TLL2: variants seen among roughly 807,000 people sequenced by gnomAD.
TLL2 encodes the protein tolloid-like protein 2.
TLL2 carries 106 observed loss-of-function variants against 123.0 expected under a neutral mutation model. The observed-to-expected ratio is 0.86, with a 90% CI of 0.74 to 1.01. TLL2 has a LOEUF of 1.01. Ranked by LOEUF, TLL2 falls within the 50% of genes least tolerant of loss-of-function variation. The probability of loss-of-function intolerance (pLI) is 0.00; values close to 1 mark genes in which losing one functional copy is unlikely to be tolerated. For missense variants in TLL2, 1,332 were observed against 1,336.7 expected, an observed-to-expected ratio of 1.00 and a Z score of 0.06; for synonymous variants, 494 against 516.8, an observed-to-expected ratio of 0.96 and a Z score of 0.60.
At chr10:96,384,000 A>G (rs1846208150) in intron 16 of TLL2, among the ~76,000 whole-genome samples, 1 of 152,172 alleles carries the variant, frequency 6.6e-6, no homozygotes, top group African/African-American at 2.4e-5. Context: ...ACAATGTGGA[A>G]CCTTAGAATG....
intron 5 of TLL2, among the ~76,000 whole-genome samples, chr10:96,426,270 G>A (rs1279462611): frequency 6.6e-6 from 1 of 152,036 alleles, no homozygotes; most frequent in African/African-American, 2.4e-5. Context: ...AATTCTATGT[G>A]CTAACATTTT....
At chr10:96,505,912 G>C (rs1847573387) in intron 1 of TLL2, among the ~76,000 whole-genome samples, 2 of 152,168 alleles carry the variant, frequency 1.3e-5, no homozygotes, top group South Asian at 4.1e-4. Flanking sequence ...AACGGACACT[G>C]AGGCTTTGAA....
At chr10:96,445,665 C>G (rs1846891678) in intron 3 of TLL2, among the ~76,000 whole-genome samples, 1 of 152,186 alleles carries the variant, frequency 6.6e-6, no homozygotes, top group Non-Finnish European at 1.5e-5. Context: ...AACTCACGAT[C>G]CATGCACAAG....
intron 1 of TLL2, among the ~76,000 whole-genome samples, chr10:96,508,687 G>A (rs2134117939): frequency 6.6e-6 from 1 of 151,916 alleles, no homozygotes; most frequent in African/African-American, 2.4e-5. Context: ...GCTCACCTCT[G>A]GGCAGTTCCA....
At chr10:96,376,548 T>C (rs1846139369) in intron 18 of TLL2, 144 bp downstream of exon 18, 2 of 871,106 alleles carry the variant, frequency 2.3e-6, no homozygotes, top group Non-Finnish European at 3.4e-6. Flanking sequence ...TTAGTATCCA[T>C]GTTTTCCAGA....
Position 96,480,928 on chromosome 10 carries a change from C to T in TLL2, c.176-469G>A, listed in dbSNP as rs144991925. Among the ~76,000 whole-genome samples the T allele has an allele frequency of 3.4e-3, 517 of 152,320 alleles. 4 individuals carry two copies. Among genetic ancestry groups the T allele is most frequent in the African/African-American group, 0.011 (437 of 41,570 alleles). On this transcript the variant is annotated intron_variant, in intron 1 of 20. Transcript: ENST00000357947. ...ATTGGCCACACAGCCTGCTCTAATT[C>T]AGTGTGAGCAGAAGCTTTAAGAGCT...
At chr10:96,461,498 G>A (rs1048891952) in intron 2 of TLL2, among the ~76,000 whole-genome samples, 7 of 152,112 alleles carry the variant, frequency 4.6e-5, no homozygotes, top group Non-Finnish European at 7.4e-5. Flanking sequence ...ATCCCAGCAC[G>A]CCTTTCCAAC....
intron 12 of TLL2, 145 bp downstream of exon 12, chr10:96,395,730 A>T (rs1230628597): frequency 6.8e-6 from 7 of 1,028,096 alleles, no homozygotes; most frequent in Non-Finnish European, 9.7e-6. Flanking sequence ...TTGATGTCAG[A>T]TGTCCGGGCA....
At chr10:96,456,278 C>G (rs1350790459) in intron 2 of TLL2, among the ~76,000 whole-genome samples, 1 of 152,188 alleles carries the variant, frequency 6.6e-6, no homozygotes, top group Non-Finnish European at 1.5e-5. Context: ...CAAAAGGTCA[C>G]CTTCACAAGG....
intron 3 of TLL2, among the ~76,000 whole-genome samples, chr10:96,435,516 A>G (rs921465067): frequency 1.3e-5 from 2 of 152,186 alleles, no homozygotes; most frequent in Non-Finnish European, 1.5e-5. Flanking sequence ...TTGGTGTCAT[A>G]TCTAAGAAAC....
intron 10 of TLL2, among the ~76,000 whole-genome samples, chr10:96,397,728 C>G (rs1157847838): frequency 6.6e-6 from 1 of 152,166 alleles, no homozygotes; most frequent in Non-Finnish European, 1.5e-5. Context: ...GGAAGGGATG[C>G]CAGGGAAAAC....
intron 2 of TLL2, among the ~76,000 whole-genome samples, chr10:96,456,114 G>C (rs955663995): frequency 6.6e-6 from 1 of 152,222 alleles, no homozygotes. Flanking sequence ...TAAGAAGGTA[G>C]TAAGAGGCAA....
Position 96,397,181 on chromosome 10 carries a change from C to G in TLL2, c.1384+5G>C. Reference sequence around the variant, plus strand: ...ACCGAGCAGCTGCTTTCACCTCGCACAAACCTTCGTACGCTGCAAAGAAGC... The same window carrying G: ...ACCGAGCAGCTGCTTTCACCTCGCAGAAACCTTCGTACGCTGCAAAGAAGC... On this transcript the variant is annotated splice_donor_5th_base_variant and intron_variant, in intron 11 of 20. Transcript: ENST00000357947. 1 of 1,609,530 alleles carries G rather than the reference C, an allele frequency of 6.2e-7. No homozygotes were observed. Among genetic ancestry groups the G allele is most frequent in the African/African-American group, 1.3e-5 (1 of 74,760 alleles).
chr10:96,463,450 A>C (rs1847100143), intron 2 of TLL2, among the ~76,000 whole-genome samples: 1 of 152,188 alleles, frequency 6.6e-6, no homozygotes, highest in Non-Finnish European at 1.5e-5. Context: ...TCCCAGCATG[A>C]TGGACCAGAC....
intron 9 of TLL2, among the ~76,000 whole-genome samples, chr10:96,409,976 A>G (rs1409196766): frequency 1.3e-5 from 2 of 152,172 alleles, no homozygotes; most frequent in South Asian, 2.1e-4. Flanking sequence ...TTAAGCCCCA[A>G]ATGCTGAGAC....
Position 96,397,261 on chromosome 10 carries a change from T to C in TLL2, c.1309A>G (p.Thr437Ala). 1 of 1,613,758 alleles carries C rather than the reference T, an allele frequency of 6.2e-7. No individual in the cohort carries two copies. Among genetic ancestry groups the C allele is most frequent in the East Asian group, 2.2e-5 (1 of 44,844 alleles). The change falls in exon 11 of 21, where the codon ACG becomes GCG. Residue 437 changes from threonine to alanine, a missense_variant. Thr to Ala is a moderately conservative substitution (Grantham distance 58, BLOSUM62 0). Transcript: ENST00000357947. ...GDKIPEPLVS[T>A]DSRLWVEFRS... ...AACTCCACCCAGAGCCGGCTGTCCG[T>C]GGAGACGAGGGGCTCCGGGATCTTA...
intron 19 of TLL2, among the ~76,000 whole-genome samples, chr10:96,371,042 C>A (rs1454356968): frequency 1.3e-5 from 2 of 152,142 alleles, no homozygotes; most frequent in Non-Finnish European, 2.9e-5. Flanking sequence ...TGGATATTGG[C>A]CGGGCGCAGT....
intron 5 of TLL2, 79 bp from the exon 6 acceptor site, chr10:96,422,806 T>C (rs1846639266): frequency 6.6e-7 from 1 of 1,517,258 alleles, no homozygotes; most frequent in African/African-American, 1.4e-5. Flanking sequence ...TCCCACTCTG[T>C]ATGTGTGTGC....
At chr10:96,416,942 T>G (rs891559517) in intron 7 of TLL2, among the ~76,000 whole-genome samples, 3 of 152,182 alleles carry the variant, frequency 2.0e-5, no homozygotes, top group Non-Finnish European at 2.9e-5. Context: ...AACTGTCTCC[T>G]CATCTCCTGG....
Sources: allele counts gnomAD v4.1 joint callset (sites outside exome capture counted in the v4.1 genomes callset), GRCh38; gene constraint gnomAD v4.1.1; transcripts MANE v1.5; gene names NCBI Gene and HGNC (gene_info 2026-07-23, HGNC 2026-07-21).